The following UGT1A5 variants were observed in gnomAD, a reference collection of about 807,000 sequenced individuals.
UGT1A5 encodes the protein UDP-glucuronosyltransferase 1A5.
In UGT1A5, 29 loss-of-function variants were observed where a neutral mutation model predicts 40.3. The ratio of observed to expected loss-of-function variants is 0.72; its 90% confidence interval spans 0.54 to 0.98. UGT1A5 has a LOEUF of 0.98. Ranked by LOEUF, UGT1A5 falls within the 50% of genes least tolerant of loss-of-function variation. The pLI, the probability that UGT1A5 is intolerant of heterozygous loss-of-function variation, is 0.00. For missense variants in UGT1A5, 678 were observed against 677.9 expected, an observed-to-expected ratio of 1.00 and a Z score of 0.00; for synonymous variants, 257 against 262.5, an observed-to-expected ratio of 0.98 and a Z score of 0.20.
intron 1 of UGT1A5, among the ~76,000 whole-genome samples, chr2:233,734,157 A>G (rs2078492221): frequency 6.6e-6 from 1 of 152,100 alleles, no homozygotes; most frequent in Non-Finnish European, 1.5e-5. Context: ...CTGGTCCTGG[A>G]CTTTTTTTGG....
At position 233,734,054 on chromosome 2, in the gene UGT1A5, T is replaced by C. The variant is rs2078472293; in HGVS notation, c.867+20196T>C. Among the ~76,000 whole-genome samples the C allele has an allele frequency of 9.9e-5, 15 of 152,222 alleles. No homozygotes were observed. The South Asian group carries it at 3.1e-3, about 32-fold the overall frequency. The stretch of plus-strand genomic sequence containing the variant: ...CACACCAACATGGCACATGTATACA[T>C]ATGTAACAAACCTGCACATTGTGCA... On this transcript the variant is annotated intron_variant, in intron 1 of 4. Transcript: ENST00000373414.
chr2:233,736,616 C>T (rs1448370829), intron 1 of UGT1A5, among the ~76,000 whole-genome samples: 1 of 152,208 alleles, frequency 6.6e-6, no homozygotes, highest in Non-Finnish European at 1.5e-5. Flanking sequence ...TTAGAATTTT[C>T]AGCTTTTCTG....
Position 233,712,927 on chromosome 2 carries a change from GA to G in UGT1A5, c.-63del. 1.6e-5 allele frequency: 25 copies of G among 1,612,018 alleles called. No homozygotes were observed. The highest frequency in any genetic ancestry group is 2.0e-5 in the Non-Finnish European group (24 of 1,179,896). On this transcript the variant is annotated 5_prime_UTR_variant, in exon 1 of 5. Transcript: ENST00000373414. ...GTCTCAGTGACAAGGTAATTAAGAC[GA>G]AGGAAACAATTCTAGGAGGCACAAC... is the stretch of plus-strand genomic sequence containing the variant.
chr2:233,724,277 C>T (rs1162056701), intron 1 of UGT1A5, among the ~76,000 whole-genome samples: 28 of 115,674 alleles, frequency 2.4e-4, no homozygotes, highest in Admixed American at 3.4e-4. Flanking sequence ...GGCGGCTGGC[C>T]GGGCGGGGGG....
chr2:233,724,376 G>C (rs1373227000), intron 1 of UGT1A5, among the ~76,000 whole-genome samples: 7 of 128,064 alleles, frequency 5.5e-5, no homozygotes, highest in African/African-American at 1.5e-4. Flanking sequence ...GGTGGCTGCC[G>C]GGCGGAGACG....
rs1182689801 is a variant in UGT1A5, at chr2:233,724,261, G to A, written c.867+10403G>A. Among the ~76,000 whole-genome samples, 54 of 98,670 alleles carry A rather than the reference G, an allele frequency of 5.5e-4. 1 individual carries two copies. The highest frequency in any genetic ancestry group is 1.1e-3 in the East Asian group (3 of 2,618). The allele number at this position is 98,670 out of a possible 152,430, so 64.7% of individuals were successfully genotyped here. Reference sequence around the variant, plus strand: ...CGGGCAGAGGCGCCCCTCACCTCCCGGACGGGGCGGCTGGCCGGGCGGGGG... The same window carrying A: ...CGGGCAGAGGCGCCCCTCACCTCCCAGACGGGGCGGCTGGCCGGGCGGGGG... On this transcript the variant is annotated intron_variant, in intron 1 of 4. Coordinates refer to ENST00000373414, the MANE Select transcript of UGT1A5 (RefSeq NM_019078.2).
intron 1 of UGT1A5, among the ~76,000 whole-genome samples, chr2:233,758,743 G>T (rs1250346162): frequency 6.6e-6 from 1 of 152,162 alleles, no homozygotes; most frequent in East Asian, 1.9e-4. Context: ...CCCAAGTATG[G>T]CTGGCCAGTG....
At chr2:233,771,009 A>G (rs1251253785) in intron 4 of UGT1A5, 3 of 152,198 alleles carry the variant, frequency 2.0e-5, no homozygotes, top group Non-Finnish European at 4.4e-5. Flanking sequence ...TGGCAAAAGC[A>G]GGAGCGAGAG....
chr2:233,755,990 C>G (rs1406862229), intron 1 of UGT1A5: 1 of 152,186 alleles, frequency 6.6e-6, no homozygotes, highest in East Asian at 1.9e-4. Context: ...CTCATGTCAG[C>G]TTCTGCATTC....
At chr2:233,722,580 G>A (rs764999406) in intron 1 of UGT1A5, among the ~76,000 whole-genome samples, 2 of 152,194 alleles carry the variant, frequency 1.3e-5, no homozygotes, top group African/African-American at 2.4e-5. Context: ...TTGCAACTTC[G>A]TTAGAGGACT....
Position 233,737,701 on chromosome 2 carries a change from G to A in UGT1A5, c.867+23843G>A, listed in dbSNP as rs28898624. On this transcript the variant is annotated intron_variant, in intron 1 of 4. Transcript: ENST00000373414. ...TTTGGCCATTGGTGCTGAAGCTTCC[G>A]TTCTCCTCTCCAACACCTCCTTTTT... 9.9e-3 allele frequency among the ~76,000 whole-genome samples: 1,506 copies of A among 152,128 alleles called. 21 individuals carry two copies. Among genetic ancestry groups the A allele is most frequent in the African/African-American group, 0.034 (1,429 of 41,486 alleles).
chr2:233,767,978 A>C, intron 3 of UGT1A5, 42 bp downstream of exon 3: 1 of 1,614,204 alleles, frequency 6.2e-7, no homozygotes, highest in Admixed American at 1.7e-5. Context: ...ACCAGGGTCA[A>C]ATTAAGAAAA....
intron 1 of UGT1A5, among the ~76,000 whole-genome samples, chr2:233,724,066 G>GC (rs1225468925): frequency 2.7e-5 from 2 of 73,838 alleles, no homozygotes; most frequent in Non-Finnish European, 5.1e-5. Context: ...AGACGGGGTG[G>GC]TGGCCGGGCA....
intron 1 of UGT1A5, among the ~76,000 whole-genome samples, chr2:233,766,326 C>A (rs192391946): frequency 2.6e-5 from 4 of 152,238 alleles, no homozygotes; most frequent in Non-Finnish European, 4.4e-5. Flanking sequence ...CCAAACTCCG[C>A]GTTGTTCTGC....
At chr2:233,760,547 A>T (rs533766461) in intron 1 of UGT1A5, 1 of 1,614,192 alleles carries the variant, frequency 6.2e-7, no homozygotes, top group African/African-American at 1.3e-5. Context: ...CAAAGGGAGG[A>T]TGTGAAAGAG....
At chr2:233,719,169 A>T (rs1251118091) in intron 1 of UGT1A5, 3 of 1,614,252 alleles carry the variant, frequency 1.9e-6, no homozygotes, top group East Asian at 2.2e-5. Flanking sequence ...TATGGCAATT[A>T]TGAACAATGT....
chr2:233,768,179 A>G, intron 3 of UGT1A5, 41 bp from the exon 4 acceptor site: 1 of 1,613,948 alleles, frequency 6.2e-7, no homozygotes, highest in East Asian at 2.2e-5. Context: ...TGTGAAACTC[A>G]GAGATGTAAC....
intron 1 of UGT1A5, among the ~76,000 whole-genome samples, chr2:233,746,960 G>T (rs1278359250): frequency 6.6e-6 from 1 of 151,782 alleles, no homozygotes; most frequent in African/African-American, 2.4e-5. Flanking sequence ...GCTTGAACTT[G>T]GATGTTCCCC....
chr2:233,744,623 G>A (rs1465647088), intron 1 of UGT1A5, among the ~76,000 whole-genome samples: 4 of 151,984 alleles, frequency 2.6e-5, no homozygotes, highest in Admixed American at 6.5e-5. Context: ...CTATAGAGAG[G>A]TGGATTCTCA....
Sources: gnomAD v4.1 joint callset for allele counts (sites outside exome capture counted in the v4.1 genomes callset) on GRCh38, gnomAD v4.1.1 for gene constraint, MANE v1.5 for transcripts, NCBI Gene and HGNC (gene_info 2026-07-23, HGNC 2026-07-21) for gene names.